The following CLSTN2 variants were observed in gnomAD, a reference collection of about 807,000 sequenced individuals.
CLSTN2 encodes calsyntenin-2.
CLSTN2 carries 48 observed loss-of-function variants against 101.2 expected under a neutral mutation model. That is an observed-to-expected ratio of 0.47 (90% CI 0.38 to 0.60). The LOEUF (loss-of-function observed/expected upper bound fraction) is 0.60. CLSTN2 is among the 20% of genes least tolerant of loss of function. The probability of loss-of-function intolerance (pLI) is 0.00; values close to 1 mark genes in which losing one functional copy is unlikely to be tolerated. For missense variants in CLSTN2, 1,160 were observed against 1,238.2 expected (o/e 0.94, Z 0.95); for synonymous variants, 481 against 463.6 (o/e 1.04, Z -0.48).
intron 1 of CLSTN2, among the ~76,000 whole-genome samples, chr3:140,074,376 T>C (rs1294214591): frequency 6.6e-6 from 1 of 152,124 alleles, no homozygotes; most frequent in African/African-American, 2.4e-5. Context: ...GCCCCTCCAT[T>C]CTGGGCAGCA....
chr3:140,441,899 C>T (rs1376135533), intron 5 of CLSTN2, among the ~76,000 whole-genome samples: 1 of 152,182 alleles, frequency 6.6e-6, no homozygotes, highest in East Asian at 1.9e-4. Context: ...CATATGTCTG[C>T]ACCTTCTGAG....
chr3:140,498,883 C>T (rs1448933340), intron 8 of CLSTN2, among the ~76,000 whole-genome samples: 1 of 151,890 alleles, frequency 6.6e-6, no homozygotes, highest in South Asian at 2.1e-4. Flanking sequence ...CATTGGAAAT[C>T]CAAGATTGTA....
intron 11 of CLSTN2, among the ~76,000 whole-genome samples, chr3:140,557,231 G>T (rs989530400): frequency 1.3e-5 from 2 of 152,100 alleles, no homozygotes; most frequent in African/African-American, 4.8e-5. Flanking sequence ...GCTAGGAGGG[G>T]GATCCCAGAA....
rs571465544 is a variant in CLSTN2 at position 140,105,613 on chromosome 3, G to C, written c.110-70338G>C. Among the ~76,000 whole-genome samples, 20 of 152,292 alleles carry C rather than the reference G, an allele frequency of 1.3e-4. No individual in the cohort carries two copies. In the South Asian group the frequency reaches 3.7e-3, roughly 28 times the overall value. ...TTACTAAGCATCTAATCTATGCAAG[G>C]CTCCTTCCATGATGCAGACTTATTA... On this transcript the variant is annotated intron_variant, in intron 1 of 16. Coordinates refer to ENST00000458420, the MANE Select transcript of CLSTN2 (RefSeq NM_022131.3).
At chr3:139,959,569 C>T (rs1473809847) in intron 1 of CLSTN2, among the ~76,000 whole-genome samples, 1 of 152,120 alleles carries the variant, frequency 6.6e-6, no homozygotes, top group Non-Finnish European at 1.5e-5. Context: ...GACAGTGACG[C>T]TATCCCCATT....
At chr3:140,338,076 A>G (rs2087459679) in intron 2 of CLSTN2, among the ~76,000 whole-genome samples, 2 of 152,104 alleles carry the variant, frequency 1.3e-5, no homozygotes, top group Admixed American at 1.3e-4. Flanking sequence ...TTTTTCCCTC[A>G]GAGTATATCT....
At chr3:140,216,375 T>C (rs2010921543) in intron 2 of CLSTN2, among the ~76,000 whole-genome samples, 1 of 152,184 alleles carries the variant, frequency 6.6e-6, no homozygotes, top group African/African-American at 2.4e-5. Flanking sequence ...AGTACAGCAC[T>C]AACGTGGGGG....
At chr3:140,147,207 T>C (rs1028812432) in intron 1 of CLSTN2, among the ~76,000 whole-genome samples, 1 of 152,220 alleles carries the variant, frequency 6.6e-6, no homozygotes, top group African/African-American at 2.4e-5. Flanking sequence ...AGGTGTGGAC[T>C]ACTCACCCTA....
intron 1 of CLSTN2, among the ~76,000 whole-genome samples, chr3:140,142,379 G>A (rs114665799): frequency 0.013 from 2,041 of 152,246 alleles, 43 homozygotes; most frequent in African/African-American, 0.045. Flanking sequence ...AGAGGACTGT[G>A]GGACTGTTCA....
chr3:140,395,020 A>G (rs919065268), intron 2 of CLSTN2, among the ~76,000 whole-genome samples: 1 of 152,154 alleles, frequency 6.6e-6, no homozygotes, highest in African/African-American at 2.4e-5. Flanking sequence ...CAGCATATAA[A>G]TAAGTTTTTA....
intron 1 of CLSTN2, among the ~76,000 whole-genome samples, chr3:139,992,634 C>A (rs1353111660): frequency 6.6e-6 from 1 of 152,154 alleles, no homozygotes; most frequent in Non-Finnish European, 1.5e-5. Context: ...GCTCCTGTGC[C>A]CCTTATCTGC....
At chr3:140,021,953 C>T (rs2007327230) in intron 1 of CLSTN2, among the ~76,000 whole-genome samples, 2 of 152,088 alleles carry the variant, frequency 1.3e-5, no homozygotes, top group Non-Finnish European at 2.9e-5. Context: ...CCGAGTCAGG[C>T]GGCAGACAGA....
At chr3:140,075,855 C>G (rs568998048) in intron 1 of CLSTN2, among the ~76,000 whole-genome samples, 2 of 152,132 alleles carry the variant, frequency 1.3e-5, no homozygotes, top group South Asian at 4.2e-4. Context: ...CATCATGTCT[C>G]AGGTGGGCAC....
chr3:140,322,449 A>G (rs918889399), intron 2 of CLSTN2, among the ~76,000 whole-genome samples: 6 of 152,228 alleles, frequency 3.9e-5, no homozygotes, highest in African/African-American at 1.4e-4. Context: ...GCCAAATGTG[A>G]CGCAGAGCAA....
At chr3:140,207,394 A>G (rs775925967) in intron 2 of CLSTN2, among the ~76,000 whole-genome samples, 14 of 152,226 alleles carry the variant, frequency 9.2e-5, no homozygotes, top group South Asian at 2.1e-4. Flanking sequence ...TCTTAATGGC[A>G]TAATTTCAGA....
chr3:139,969,579 A>C (rs1033982745), intron 1 of CLSTN2, among the ~76,000 whole-genome samples: 24 of 151,954 alleles, frequency 1.6e-4, no homozygotes, highest in Non-Finnish European at 2.8e-4. Flanking sequence ...CACTGCACCC[A>C]CCTGTCTTTC....
rs927328964 is a variant in CLSTN2 at position 140,511,985 on chromosome 3, A to AT, written c.1345-20329dup. On this transcript the variant is annotated intron_variant, in intron 8 of 16. Coordinates refer to ENST00000458420, the MANE Select transcript of CLSTN2 (RefSeq NM_022131.3). ...TGTCCTTTGCCCATTTTTTAATGTG[A>AT]TTTTTTTTTTCTTGTACGTTTGCTT... Among the ~76,000 whole-genome samples, 71 of 146,518 alleles carry AT rather than the reference A, an allele frequency of 4.8e-4. 2 individuals are homozygous for AT. In the East Asian group the frequency reaches 5.5e-3, roughly 11 times the overall value.
intron 1 of CLSTN2, among the ~76,000 whole-genome samples, chr3:139,987,050 G>A (rs940480407): frequency 6.6e-6 from 1 of 152,058 alleles, no homozygotes; most frequent in Admixed American, 6.6e-5. Context: ...ATTCCCCTGG[G>A]CCTATCAATC....
Position 140,067,957 on chromosome 3 carries a change from C to T in CLSTN2, c.110-107994C>T, listed in dbSNP as rs534299971. Among the ~76,000 whole-genome samples the T allele has an allele frequency of 2.0e-4, 30 of 152,314 alleles. No individual in the cohort carries two copies. In the South Asian group the frequency reaches 2.5e-3, roughly 13 times the overall value. ...AAGTGTTGGTAGAATCTTGGCACTG[C>T]GTGTACGAGACTTCTGTGGCTCATT... On this transcript the variant is annotated intron_variant, in intron 1 of 16. Coordinates refer to ENST00000458420, the MANE Select transcript of CLSTN2 (RefSeq NM_022131.3).
Sources: allele counts gnomAD v4.1 joint callset (sites outside exome capture counted in the v4.1 genomes callset), GRCh38; gene constraint gnomAD v4.1.1; transcripts MANE v1.5; gene names NCBI Gene and HGNC (gene_info 2026-07-23, HGNC 2026-07-21).